CACNA2D2: variants seen among roughly 807,000 people sequenced by gnomAD.
The protein encoded by CACNA2D2 is calcium voltage-gated channel auxiliary subunit alpha2delta 2, also known as voltage-dependent calcium channel subunit alpha-2/delta-2.
In CACNA2D2, 48 loss-of-function variants were observed where a neutral mutation model predicts 166.4. The ratio of observed to expected loss-of-function variants is 0.29; its 90% CI spans 0.23 to 0.37. CACNA2D2 has a LOEUF of 0.37. CACNA2D2 is among the 10% of genes least tolerant of loss of function. CACNA2D2 has a pLI of 1.00. For missense variants in CACNA2D2, 1,122 were observed against 1,433.0 expected, an observed-to-expected ratio of 0.78 and a Z score of 3.50; for synonymous variants, 561 against 573.7, an observed-to-expected ratio of 0.98 and a Z score of 0.32.
In CACNA2D2 at chr3:50,427,408, G is replaced by C. The variant is rs1361657956; in HGVS notation, c.405+6905C>G. On this transcript the variant is annotated intron_variant, in intron 3 of 37. Coordinates refer to ENST00000424201, the MANE Select transcript of CACNA2D2 (RefSeq NM_006030.4). This position sits in a 1 kb window ranked among gnomAD's most constrained non-coding sequence, Gnocchi z 4.7. The stretch of plus-strand genomic sequence containing the variant: ...TGCCAGGAAGCAGCGGCACTGTTTG[G>C]GTGAGGGGAGAATAATCAGCTGTAA... Among the ~76,000 whole-genome samples the C allele has an allele frequency of 6.6e-6, 1 of 152,252 alleles. No individual in the cohort carries two copies. Among genetic ancestry groups the C allele is most frequent in the East Asian group, 1.9e-4 (1 of 5,184 alleles).
chr3:50,488,800 T>C (rs558982816), intron 1 of CACNA2D2, among the ~76,000 whole-genome samples: 18 of 152,028 alleles, frequency 1.2e-4, no homozygotes, highest in African/African-American at 2.4e-4. Flanking sequence ...CTCGGGTTCA[T>C]GCCATTCTCC....
At chr3:50,478,780 T>G (rs375856700) in intron 1 of CACNA2D2, among the ~76,000 whole-genome samples, 1 of 152,216 alleles carries the variant, frequency 6.6e-6, no homozygotes, top group African/African-American at 2.4e-5. Context: ...TTTCCAACTC[T>G]GCATTTGGTA....
chr3:50,486,942 G>C (rs1446776775), intron 1 of CACNA2D2, among the ~76,000 whole-genome samples: 1 of 152,244 alleles, frequency 6.6e-6, no homozygotes, highest in Non-Finnish European at 1.5e-5. Flanking sequence ...CATTTCAGCA[G>C]GCAGCCAAGC....
Position 50,365,364 on chromosome 3 carries a change from G to C in CACNA2D2, c.3090C>G (p.Asn1030Lys). 1 of 1,613,448 alleles carries C rather than the reference G, an allele frequency of 6.2e-7. No homozygotes were observed. The highest frequency in any genetic ancestry group is 8.5e-7 in the Non-Finnish European group (1 of 1,179,766). The change falls in exon 35 of 38, where the codon AAC (asparagine) becomes AAG (lysine). Residue 1030 changes from asparagine to lysine, a missense_variant. By Grantham distance (94) the Asn-to-Lys change is moderately conservative. Transcript: ENST00000424201. The surrounding 1 kb of genome is among the most constrained non-coding windows in gnomAD (Gnocchi z 4.5). ...ASYNAIIDCG[N>K]CSRLFHAQRL... ...CGCCCCACTGCCAGCACCTGGAGCA[G>C]TTTCCGCAGTCGATGATGGCGTTGT... is the stretch of plus-strand genomic sequence containing the variant.
chr3:50,382,296 T>G (rs587666542), intron 6 of CACNA2D2, among the ~76,000 whole-genome samples: 1 of 152,114 alleles, frequency 6.6e-6, no homozygotes, highest in Non-Finnish European at 1.5e-5. Flanking sequence ...CCAGCCACCG[T>G]CACCCCGTAC....
At chr3:50,369,676 G>A (rs978642068) in intron 23 of CACNA2D2, among the ~76,000 whole-genome samples, 2 of 152,266 alleles carry the variant, frequency 1.3e-5, no homozygotes, top group African/African-American at 2.4e-5. Context: ...GGCCTCCCCA[G>A]ACATGGGCCA....
chr3:50,436,516 C>T (rs1708357933), intron 2 of CACNA2D2, among the ~76,000 whole-genome samples: 1 of 152,152 alleles, frequency 6.6e-6, no homozygotes, highest in Non-Finnish European at 1.5e-5. Context: ...GGCAGGCCCA[C>T]ACCTCAGGGC....
chr3:50,389,228 C>T (rs1014011857), intron 4 of CACNA2D2, among the ~76,000 whole-genome samples: 3 of 152,172 alleles, frequency 2.0e-5, no homozygotes, highest in Non-Finnish European at 2.9e-5. Flanking sequence ...CCGACCGAAG[C>T]GCATAATGAA....
intron 3 of CACNA2D2, among the ~76,000 whole-genome samples, chr3:50,426,312 A>G (rs1236958571): frequency 2.0e-5 from 3 of 152,176 alleles, no homozygotes; most frequent in African/African-American, 7.2e-5. Flanking sequence ...TTGCTGAATG[A>G]CTGAGTGAGC....
chr3:50,468,828 T>TC (rs1553751890), intron 2 of CACNA2D2, among the ~76,000 whole-genome samples: 2 of 122,068 alleles, frequency 1.6e-5, no homozygotes, highest in Admixed American at 1.8e-4. Flanking sequence ...CCCTTCTCTC[T>TC]CTTTTTTTTT....
chr3:50,362,932 C>G lies in CACNA2D2; in HGVS notation c.*1734G>C. On this transcript the variant is annotated 3_prime_UTR_variant, in exon 38 of 38. Transcript: ENST00000424201. ...TTTTTTGTCGCTGTTGTTTTTCCAA[C>G]TTGTCTGTACAAAATAGAACAACAA... The G allele has an allele frequency of 2.5e-6, 1 of 396,212 alleles. No individual in the cohort carries two copies. Among genetic ancestry groups the G allele is most frequent in the East Asian group, 3.6e-5 (1 of 27,978 alleles). The allele number at this position is 396,212 out of a possible 1,614,324, so 24.5% of individuals were successfully genotyped here. A position where few individuals can be genotyped will look rare whatever the true frequency, so the allele number is the denominator to read the frequency against.
intron 2 of CACNA2D2, among the ~76,000 whole-genome samples, chr3:50,450,538 A>G (rs1428480858): frequency 6.6e-6 from 1 of 152,200 alleles, no homozygotes; most frequent in Non-Finnish European, 1.5e-5. Flanking sequence ...CACCAGAGCC[A>G]GGAAAGGAGC....
At chr3:50,387,537 A>T in intron 5 of CACNA2D2, 31 bp downstream of exon 5, 1 of 1,602,334 alleles carries the variant, frequency 6.2e-7, no homozygotes, top group Middle Eastern at 1.7e-4. Context: ...AAGGCCCAGC[A>T]AGGAGGTGTG....
At chr3:50,502,211 C>T (rs1421478760) in intron 1 of CACNA2D2, among the ~76,000 whole-genome samples, 3 of 152,174 alleles carry the variant, frequency 2.0e-5, no homozygotes, top group African/African-American at 7.2e-5. Context: ...ACGACTCATG[C>T]CCCAGTCTCC....
At chr3:50,442,427 C>G (rs1480786505) in intron 2 of CACNA2D2, among the ~76,000 whole-genome samples, 2 of 152,186 alleles carry the variant, frequency 1.3e-5, no homozygotes, top group Non-Finnish European at 2.9e-5. Flanking sequence ...CTTCCCTGAG[C>G]CCCTGCCTCT....
At chr3:50,468,694 C>T (rs1159981711) in intron 2 of CACNA2D2, among the ~76,000 whole-genome samples, 5 of 152,038 alleles carry the variant, frequency 3.3e-5, no homozygotes, top group African/African-American at 9.7e-5. Flanking sequence ...CAAGAACCCC[C>T]GATCCTCAGC....
At chr3:50,484,583 G>A (rs1346985154) in intron 1 of CACNA2D2, among the ~76,000 whole-genome samples, 1 of 152,160 alleles carries the variant, frequency 6.6e-6, no homozygotes. Context: ...AAGTCCAAGG[G>A]CCTCCCACCT....
intron 4 of CACNA2D2, among the ~76,000 whole-genome samples, chr3:50,389,977 TG>T (rs956989457): frequency 4.6e-5 from 6 of 130,818 alleles, no homozygotes; most frequent in Non-Finnish European, 6.4e-5. Flanking sequence ...TGATGTGGTG[TG>T]GAGCTGGGGG....
chr3:50,448,030 C>T (rs748766533), intron 2 of CACNA2D2, among the ~76,000 whole-genome samples: 1 of 152,186 alleles, frequency 6.6e-6, no homozygotes, highest in Non-Finnish European at 1.5e-5. Context: ...CAAAACCTAG[C>T]CTCCCCCAGG....
Sources: gnomAD v4.1 joint callset for allele counts (sites outside exome capture counted in the v4.1 genomes callset) on GRCh38, gnomAD v4.1.1 for gene constraint, Gnocchi (gnomAD v3.1) non-coding constraint, MANE v1.5 for transcripts, NCBI Gene and HGNC (gene_info 2026-07-23, HGNC 2026-07-21) for gene names.